Variants in NGEF observed in about 807,000 individuals in gnomAD.
NGEF encodes ephexin-1.
In NGEF, 31 loss-of-function variants were observed where a neutral mutation model predicts 80.9. That is an observed-to-expected ratio of 0.38 (90% CI 0.29 to 0.52). The LOEUF (loss-of-function observed/expected upper bound fraction) is 0.52. Ranked by LOEUF, NGEF falls within the 20% of genes least tolerant of loss-of-function variation. NGEF has a pLI of 0.84. For missense variants in NGEF, 709 were observed against 926.2 expected (o/e 0.77, Z 3.04); for synonymous variants, 371 against 370.2 (o/e 1.00, Z -0.03).
intron 1 of NGEF, among the ~76,000 whole-genome samples, chr2:232,986,389 T>A (rs949719607): frequency 4.0e-5 from 6 of 150,960 alleles, no homozygotes; most frequent in African/African-American, 1.2e-4. Context: ...AAAATGAGCA[T>A]CTTGAAGAGA....
intron 3 of NGEF, among the ~76,000 whole-genome samples, chr2:232,968,294 G>T (rs537277672): frequency 5.8e-4 from 88 of 151,926 alleles, no homozygotes; most frequent in African/African-American, 1.9e-3. Context: ...CTCTATGTTG[G>T]TCAGGCTGGT....
chr2:232,946,239 T>C (rs1693555433), intron 3 of NGEF, among the ~76,000 whole-genome samples: 1 of 151,028 alleles, frequency 6.6e-6, no homozygotes, highest in African/African-American at 2.4e-5. Flanking sequence ...GCTATGAGGA[T>C]ACAAAGACGT....
At chr2:232,921,203 C>T (rs538117187) in intron 4 of NGEF, among the ~76,000 whole-genome samples, 1 of 152,218 alleles carries the variant, frequency 6.6e-6, no homozygotes, top group Non-Finnish European at 1.5e-5. Flanking sequence ...AATGTAGCAC[C>T]TCCAAAGGGA....
At chr2:232,931,378 T>G (rs80181300) in intron 3 of NGEF, among the ~76,000 whole-genome samples, 3,608 of 152,250 alleles carry the variant, frequency 0.024, 147 homozygotes, top group African/African-American at 0.082. Context: ...AGGTAGAAAT[T>G]GGATATTTAG....
chr2:233,005,037 C>A (rs2106345708), intron 1 of NGEF, among the ~76,000 whole-genome samples: 1 of 152,320 alleles, frequency 6.6e-6, no homozygotes, highest in East Asian at 1.9e-4. Context: ...TTCTCTACTC[C>A]TTCGTCAGGA....
At position 232,879,450 on chromosome 2, in the gene NGEF, T is replaced by G; in HGVS notation, c.*39A>C. 1 of 1,236,792 alleles carries G rather than the reference T, an allele frequency of 8.1e-7. No individual in the cohort carries two copies. The highest frequency in any genetic ancestry group is 1.1e-6 in the Non-Finnish European group (1 of 876,854). The allele number at this position is 1,236,792 out of a possible 1,614,324, so 76.6% of individuals were successfully genotyped here. ...CCCCCCCCCACCTTCTGTCGGGGTC[T>G]CATGCAGGCCCTGCTCCCGCTGGCC... On this transcript the variant is annotated 3_prime_UTR_variant, in exon 15 of 15. Transcript: ENST00000264051.
intron 3 of NGEF, among the ~76,000 whole-genome samples, chr2:232,950,160 A>G (rs1277059207): frequency 6.6e-6 from 1 of 152,202 alleles, no homozygotes; most frequent in South Asian, 2.1e-4. Flanking sequence ...TGTTGTCATT[A>G]TAGTTTACAT....
intron 3 of NGEF, among the ~76,000 whole-genome samples, chr2:232,956,368 A>C (rs190303248): frequency 1.2e-3 from 190 of 152,298 alleles, no homozygotes; most frequent in Non-Finnish European, 2.4e-3. Context: ...AATTCAAAAG[A>C]ATTAGAAAAA....
chr2:232,889,809 T>C (rs1268893640), intron 8 of NGEF, among the ~76,000 whole-genome samples: 1 of 152,148 alleles, frequency 6.6e-6, no homozygotes, highest in Non-Finnish European at 1.5e-5. Flanking sequence ...GGGTCAGGCC[T>C]CCTCTCTGTA....
rs1313898816 is a variant in NGEF, at chr2:232,892,903, C to G, written c.1137G>C (p.Gln379His). Residue 379 changes from glutamine (Q) to histidine (H), a missense_variant, in exon 7 of 15, where the codon CAG becomes CAC. Transcript: ENST00000264051. The surrounding 1 kb of genome is among the most constrained non-coding windows in gnomAD (Gnocchi z 4.0). ...CCCTTGCCGGATACACTCACAGCAGCTGCTTATAGGTCCGCTCCTGGTAGG... is the reference window on the plus strand; with the variant it reads ...CCCTTGCCGGATACACTCACAGCAGGTGCTTATAGGTCCGCTCCTGGTAGG... The part of the protein sequence containing the change: ...NQTYQERTYK[Q>H]LLQEKAAFRE... 4 of 1,612,918 alleles carry G rather than the reference C, an allele frequency of 2.5e-6. No individual in the cohort carries two copies. The highest frequency in any genetic ancestry group is 3.4e-6 in the Non-Finnish European group (4 of 1,179,642).
intron 2 of NGEF, among the ~76,000 whole-genome samples, chr2:232,970,795 A>G (rs948059435): frequency 3.6e-5 from 1 of 27,452 alleles, no homozygotes; most frequent in Admixed American, 2.7e-4. Flanking sequence ...AGCCTGGGTG[A>G]AAAAAAAAAA....
intron 3 of NGEF, among the ~76,000 whole-genome samples, chr2:232,937,791 G>C (rs1266836417): frequency 6.6e-6 from 1 of 152,166 alleles, no homozygotes; most frequent in East Asian, 1.9e-4. Context: ...TGTGTCTTGG[G>C]TCAATGATGT....
intron 3 of NGEF, among the ~76,000 whole-genome samples, chr2:232,959,704 C>T (rs1031948801): frequency 2.0e-5 from 3 of 151,964 alleles, no homozygotes; most frequent in Admixed American, 6.6e-5. Flanking sequence ...CTCAGTCTCC[C>T]GAGTAGCTGG....
chr2:232,883,097 A>ACGCACACG (rs1691567919), intron 12 of NGEF, among the ~76,000 whole-genome samples: 2 of 151,510 alleles, frequency 1.3e-5, no homozygotes, highest in Admixed American at 6.6e-5. Context: ...ACACGCACAC[A>ACGCACACG]CGTACACGCG....
Position 232,884,049 on chromosome 2 carries a change from C to G in NGEF, c.1533G>C (p.Lys511Asn). The G allele has an allele frequency of 6.2e-7, 1 of 1,612,964 alleles. No homozygotes were observed. Among genetic ancestry groups the G allele is most frequent in the East Asian group, 2.2e-5 (1 of 44,858 alleles). The change falls in exon 11 of 15, where the codon AAG becomes AAC. Residue 511 changes from lysine to asparagine, a missense_variant. Physicochemically the swap from Lys to Asn is moderately conservative, Grantham distance 94. This residue lies in a region of NGEF where 426 missense variants were observed against 622.9 expected (regional missense o/e 0.68). Coordinates refer to ENST00000264051, the MANE Select transcript of NGEF (RefSeq NM_019850.3). ...AGAGGTAAATTTCGTGGAAGAGCTT[C>G]TTGGTCCTCAGGGTCCGGGAGGTCT... ...GPKTSRTLRT[K>N]KLFHEIYLFL...
chr2:232,973,939 T>C (rs1279539924), intron 2 of NGEF, among the ~76,000 whole-genome samples: 1 of 152,128 alleles, frequency 6.6e-6, no homozygotes, highest in Non-Finnish European at 1.5e-5. Context: ...ACACTCAGGG[T>C]AGCATATATA....
chr2:232,927,828 G>T, intron 3 of NGEF: 1 of 1,109,284 alleles, frequency 9.0e-7, no homozygotes, highest in Non-Finnish European at 1.1e-6. Context: ...GGGACCCCGG[G>T]CGCAAGCTGG....
intron 3 of NGEF, among the ~76,000 whole-genome samples, chr2:232,955,003 C>T (rs145213966): frequency 3.1e-4 from 47 of 152,068 alleles, no homozygotes; most frequent in African/African-American, 9.6e-4. Context: ...ACTTTTTCTT[C>T]GTAATACGCC....
At chr2:232,922,560 G>A (rs945727302) in intron 4 of NGEF, among the ~76,000 whole-genome samples, 5 of 152,214 alleles carry the variant, frequency 3.3e-5, no homozygotes, top group South Asian at 2.1e-4. Context: ...AGACAGGTCC[G>A]ACGTCACCAC....
Sources: gnomAD v4.1 joint callset for allele counts (sites outside exome capture counted in the v4.1 genomes callset) on GRCh38, gnomAD v4.1.1 for gene constraint, gnomAD v4.1.1 regional missense constraint, Gnocchi (gnomAD v3.1) non-coding constraint, MANE v1.5 for transcripts, NCBI Gene and HGNC (gene_info 2026-07-23, HGNC 2026-07-21) for gene names.